SAMSN1: variants seen among roughly 807,000 people sequenced by gnomAD.
SAMSN1 encodes the protein SAM domain, SH3 domain and nuclear localization signals 1, also known as SAM domain-containing protein SAMSN-1.
Under a neutral mutation model 42.0 loss-of-function variants are expected in SAMSN1, and 31 were observed. The ratio of observed to expected loss-of-function variants is 0.74; its 90% confidence interval spans 0.55 to 1.00. The LOEUF is 1.00. Ranked by LOEUF, SAMSN1 falls within the 50% of genes least tolerant of loss-of-function variation. The pLI, the probability that SAMSN1 is intolerant of heterozygous loss-of-function variation, is 0.00. For synonymous variants in SAMSN1, 178 were observed against 151.9 expected, an observed-to-expected ratio of 1.17 and a Z score of -1.26; for missense variants, 464 against 439.4, an observed-to-expected ratio of 1.06 and a Z score of -0.50.
intron 4 of SAMSN1, among the ~76,000 whole-genome samples, chr21:14,610,394 C>T (rs1982673106): frequency 6.6e-6 from 1 of 152,276 alleles, no homozygotes; most frequent in African/African-American, 2.4e-5. Context: ...GAATTCTAGT[C>T]AGACTGGTTC....
intron 2 of SAMSN1, among the ~76,000 whole-genome samples, chr21:14,567,175 C>A (rs1882918): frequency 0.93 from 141,209 of 151,964 alleles, 65,784 homozygotes; most frequent in East Asian, 1. Context: ...TGTACCAGGG[C>A]GGTGTTGTCA....
intron 2 of SAMSN1, among the ~76,000 whole-genome samples, chr21:14,577,252 AT>A (rs1981512600): frequency 2.8e-5 from 1 of 35,220 alleles, no homozygotes; most frequent in Non-Finnish European, 4.9e-5. Context: ...ATATATATAT[AT>A]ATATATATAT....
intron 2 of SAMSN1, among the ~76,000 whole-genome samples, chr21:14,563,060 A>G (rs1434584329): frequency 6.6e-6 from 1 of 152,206 alleles, no homozygotes; most frequent in Non-Finnish European, 1.5e-5. Flanking sequence ...ATAAATGCAC[A>G]TGCACAAACT....
chr21:14,567,507 A>G (rs775146873), intron 2 of SAMSN1, among the ~76,000 whole-genome samples: 1 of 152,172 alleles, frequency 6.6e-6, no homozygotes, highest in African/African-American at 2.4e-5. Context: ...GAAAAGTCCC[A>G]AATATTCTCT....
At chr21:14,618,495 C>T (rs1334124080) in intron 2 of SAMSN1, among the ~76,000 whole-genome samples, 1 of 152,168 alleles carries the variant, frequency 6.6e-6, no homozygotes, top group Non-Finnish European at 1.5e-5. Flanking sequence ...ATACCAGACT[C>T]AAAGCAGCTG....
chr21:14,653,322 G>T (rs1217579647), intron 1 of SAMSN1, among the ~76,000 whole-genome samples: 1 of 151,976 alleles, frequency 6.6e-6, no homozygotes. Context: ...CATCAAAAAA[G>T]AATGAAATCC....
At chr21:14,560,532 T>G (rs767067758) in intron 2 of SAMSN1, among the ~76,000 whole-genome samples, 37 of 152,060 alleles carry the variant, frequency 2.4e-4, no homozygotes, top group African/African-American at 4.6e-4. Flanking sequence ...AATATAACAT[T>G]TTGGACCAAA....
chr21:14,589,808 C>T (rs913007136), intron 7 of SAMSN1, among the ~76,000 whole-genome samples: 1 of 152,056 alleles, frequency 6.6e-6, no homozygotes, highest in African/African-American at 2.4e-5. Flanking sequence ...TTTGTTTTTG[C>T]TCTTCTTCTT....
chr21:14,491,672 A>G (rs1986691534), intron 7 of SAMSN1, among the ~76,000 whole-genome samples: 1 of 152,122 alleles, frequency 6.6e-6, no homozygotes, highest in Non-Finnish European at 1.5e-5. Context: ...TTCAACTCTA[A>G]CTGCATCTTT....
chr21:14,550,950 T>C (rs1460823394), upstream of SAMSN1, among the ~76,000 whole-genome samples: 2 of 152,128 alleles, frequency 1.3e-5, no homozygotes, highest in Non-Finnish European at 2.9e-5. Context: ...TTAAGCTCTA[T>C]GCATAAATGA....
chr21:14,572,295 G>A lies in SAMSN1; in HGVS notation c.261+9841C>T, dbSNP rs143762845. On this transcript the variant is annotated intron_variant, in intron 2 of 8. Transcript: ENST00000285670. ...ACTAGAATTCCACAAAGAAATCTTT[G>A]TGTTTTCCATTTGGTAGATAAGAAA... Among the ~76,000 whole-genome samples the A allele has an allele frequency of 3.3e-3, 503 of 152,172 alleles. 5 individuals carry two copies. The highest frequency in any genetic ancestry group is 0.011 in the African/African-American group (467 of 41,524).
intron 2 of SAMSN1, among the ~76,000 whole-genome samples, chr21:14,557,455 G>A (rs2123190625): frequency 6.6e-6 from 1 of 152,248 alleles, no homozygotes; most frequent in South Asian, 2.1e-4. Flanking sequence ...ACTTCTTCTA[G>A]GACGTGGTCA....
chr21:14,618,814 T>A (rs573388161), intron 2 of SAMSN1, among the ~76,000 whole-genome samples: 1 of 152,282 alleles, frequency 6.6e-6, no homozygotes, highest in South Asian at 2.1e-4. Context: ...ACATTTGCCA[T>A]GAATGCTGGG....
chr21:14,653,754 A>T lies in SAMSN1; in HGVS notation c.24+4994T>A, dbSNP rs193007503. ...TTGCATGTCTGTATCAAATCATCTC[A>T]TGTACTCCATAAATATATATACCTA... On this transcript the variant is annotated intron_variant, in intron 1 of 15. Transcript: ENST00000647101. 3.1e-3 allele frequency among the ~76,000 whole-genome samples: 476 copies of T among 152,098 alleles called. 5 individuals carry two copies. The highest frequency in any genetic ancestry group is 4.7e-3 in the Non-Finnish European group (316 of 67,922).
At chr21:14,604,628 T>C (rs1982518386) in intron 5 of SAMSN1, among the ~76,000 whole-genome samples, 1 of 152,228 alleles carries the variant, frequency 6.6e-6, no homozygotes, top group African/African-American at 2.4e-5. Context: ...GTTCATTCCT[T>C]GATGCTTCTT....
At chr21:14,628,810 G>A (rs1028269381) in intron 2 of SAMSN1, among the ~76,000 whole-genome samples, 12 of 152,074 alleles carry the variant, frequency 7.9e-5, no homozygotes, top group East Asian at 5.8e-4. Flanking sequence ...GAATAATAAC[G>A]GTGGAATACA....
chr21:14,605,676 A>C lies in SAMSN1; in HGVS notation c.323-3577T>G, dbSNP rs192680565. ...GGCCAAATGATATTGACTAGAATTC[A>C]GGAGAGAAATTAGGTTTCAAACCAA... is the stretch of plus-strand genomic sequence containing the variant. On this transcript the variant is annotated intron_variant, in intron 5 of 15. Transcript: ENST00000647101. 3.3e-4 allele frequency among the ~76,000 whole-genome samples: 51 copies of C among 152,260 alleles called. No homozygotes were observed. The East Asian group carries it at 9.6e-3, about 29-fold the overall frequency.
chr21:14,521,135 G>A lies in SAMSN1; in HGVS notation c.129+15C>T, dbSNP rs371484551. The A allele has an allele frequency of 9.3e-5, 143 of 1,530,894 alleles. No individual in the cohort carries two copies. The highest frequency in any genetic ancestry group is 1.2e-4 in the Non-Finnish European group (138 of 1,115,368). 94.8% of individuals were successfully genotyped at this position (1,530,894 alleles called of 1,614,324 possible). On this transcript the variant is annotated intron_variant, in intron 2 of 7. Coordinates refer to ENST00000400566, the MANE Select transcript of SAMSN1 (RefSeq NM_022136.5). ...TGTTTGCATAACATTCATAAAAATG[G>A]AATAAACTACGAACCTCAGTTGAAT... is the stretch of plus-strand genomic sequence containing the variant.
intron 1 of SAMSN1, among the ~76,000 whole-genome samples, chr21:14,529,487 G>C (rs1745146083): frequency 6.6e-6 from 1 of 152,104 alleles, no homozygotes; most frequent in South Asian, 2.1e-4. Flanking sequence ...ATAATTTGTT[G>C]ATGTTTAAAG....
Sources: allele counts gnomAD v4.1 joint callset (sites outside exome capture counted in the v4.1 genomes callset), GRCh38; gene constraint gnomAD v4.1.1; transcripts MANE v1.5; gene names NCBI Gene and HGNC (gene_info 2026-07-23, HGNC 2026-07-21).